POU2F1: variants seen among roughly 807,000 people sequenced by gnomAD.
The protein encoded by POU2F1 is POU domain, class 2, transcription factor 1.
POU2F1 carries 16 observed loss-of-function variants against 84.9 expected under a neutral mutation model. That is an observed-to-expected ratio of 0.19 (90% CI 0.13 to 0.29). POU2F1 has a LOEUF of 0.29. Ranked by LOEUF, POU2F1 falls within the 10% of genes least tolerant of loss-of-function variation. The pLI is 1.00. For missense variants in POU2F1, 738 were observed against 942.6 expected, an observed-to-expected ratio of 0.78 and a Z score of 2.84; for synonymous variants, 368 against 368.3, an observed-to-expected ratio of 1.00 and a Z score of 0.01.
At chr1:167,222,600 G>C (rs765854380) in intron 1 of POU2F1, among the ~76,000 whole-genome samples, 1 of 152,042 alleles carries the variant, frequency 6.6e-6, no homozygotes, top group Non-Finnish European at 1.5e-5. Context: ...CATGTTCTCT[G>C]CTGCTTGATT....
At position 167,262,190 on chromosome 1, in the gene POU2F1, A is replaced by G. The variant is rs114582686; in HGVS notation, c.61+41232A>G. The stretch of plus-strand genomic sequence containing the variant: ...GCTTTTTTTGAGATGGGGTCTCACT[A>G]TATTGTCCAGGCTGAGGTGCCATGG... On this transcript the variant is annotated intron_variant, in intron 1 of 15. Transcript: ENST00000367866. Among the ~76,000 whole-genome samples the G allele has an allele frequency of 3.8e-3, 580 of 152,134 alleles. 3 individuals carry two copies. The highest frequency in any genetic ancestry group is 0.013 in the African/African-American group (557 of 41,498).
intron 7 of POU2F1, chr1:167,376,538 T>C (rs1660344475): frequency 6.4e-6 from 1 of 156,260 alleles, no homozygotes; most frequent in African/African-American, 2.4e-5. Flanking sequence ...CTAACCATTG[T>C]TTTTTTAATT....
intron 1 of POU2F1, among the ~76,000 whole-genome samples, chr1:167,240,186 T>C (rs148271105): frequency 1.1e-4 from 16 of 152,304 alleles, no homozygotes; most frequent in African/African-American, 3.4e-4. Flanking sequence ...TCTTAGACAT[T>C]AGTAGTACAT....
rs1447910325 is a variant in POU2F1, at chr1:167,392,725, C to T, written c.987+2964C>T. Among the ~76,000 whole-genome samples, 10 of 152,168 alleles carry T rather than the reference C, an allele frequency of 6.6e-5. No individual in the cohort carries two copies. In the East Asian group the frequency reaches 9.7e-4, roughly 15 times the overall value. On this transcript the variant is annotated intron_variant, in intron 9 of 15. Coordinates refer to ENST00000367866, the MANE Select transcript of POU2F1 (RefSeq NM_002697.4). ...TTTGGCATGACCATTCCTTATTTTT[C>T]GAAATGACTTTGAGACAGCAGTGGC... is the stretch of plus-strand genomic sequence containing the variant.
At chr1:167,412,619 C>T (rs996406963) in intron 14 of POU2F1, among the ~76,000 whole-genome samples, 44 of 152,280 alleles carry the variant, frequency 2.9e-4, no homozygotes, top group African/African-American at 1.0e-3. Flanking sequence ...CCCCATTAAA[C>T]TCTCTCAACT....
intron 2 of POU2F1, among the ~76,000 whole-genome samples, chr1:167,346,789 C>T (rs893686284): frequency 2.6e-5 from 4 of 152,100 alleles, no homozygotes; most frequent in Admixed American, 2.6e-4. Context: ...GTTGGGGACC[C>T]CTGCTATAGA....
chr1:167,373,041 T>C (rs1660109893), intron 5 of POU2F1, among the ~76,000 whole-genome samples: 1 of 152,042 alleles, frequency 6.6e-6, no homozygotes. Context: ...TAGAGATGTA[T>C]GTATATATAT....
rs1650418596 is a variant in POU2F1 at position 167,417,984 on chromosome 1, T to A, written c.*2174T>A. 6.6e-6 allele frequency: 1 copy of A among 152,198 alleles called. No homozygotes were observed. Among genetic ancestry groups the A allele is most frequent in the Admixed American group, 6.5e-5 (1 of 15,278 alleles). The allele number at this position is 152,198 out of a possible 1,614,324, so 9.4% of individuals were successfully genotyped here. ...TACCCTTCACCTTCCCTAAAATCCT[T>A]CCAAAATCAGTGAACTGCAAGCAGG... is the stretch of plus-strand genomic sequence containing the variant. On this transcript the variant is annotated 3_prime_UTR_variant, in exon 16 of 16. Coordinates refer to ENST00000367866, the MANE Select transcript of POU2F1 (RefSeq NM_002697.4).
At chr1:167,241,062 A>G (rs1649864999) in intron 1 of POU2F1, among the ~76,000 whole-genome samples, 1 of 152,132 alleles carries the variant, frequency 6.6e-6, no homozygotes, top group Non-Finnish European at 1.5e-5. Context: ...GAATCACTTG[A>G]ACCCGGGAGG....
intron 1 of POU2F1, among the ~76,000 whole-genome samples, chr1:167,243,918 A>G (rs1650109028): frequency 6.6e-6 from 1 of 152,196 alleles, no homozygotes; most frequent in African/African-American, 2.4e-5. Flanking sequence ...ACATAGAGCC[A>G]TTTGTTTTTT....
chr1:167,322,188 A>G (rs1160945060), intron 1 of POU2F1, among the ~76,000 whole-genome samples: 2 of 152,112 alleles, frequency 1.3e-5, no homozygotes, highest in Non-Finnish European at 1.5e-5. Context: ...TTCACCCAAT[A>G]AGTTGCTTTG....
At chr1:167,276,771 A>G (rs1454730715) in intron 1 of POU2F1, among the ~76,000 whole-genome samples, 1 of 152,202 alleles carries the variant, frequency 6.6e-6, no homozygotes, top group Non-Finnish European at 1.5e-5. Flanking sequence ...TTTCAGTTCC[A>G]TATTGTCATC....
At position 167,384,130 on chromosome 1, in the gene POU2F1, C is replaced by T. The variant is rs554717883; in HGVS notation, c.813+179C>T. ...CCAAATCAATATAGTCTTTGAAAAT[C>T]TTCAGAGTTCCTGTTTCTTATATGT... On this transcript the variant is annotated intron_variant, in intron 8 of 15. Coordinates refer to ENST00000367866, the MANE Select transcript of POU2F1 (RefSeq NM_002697.4). Among the ~76,000 whole-genome samples the T allele has an allele frequency of 4.6e-5, 7 of 152,288 alleles. No individual in the cohort carries two copies. In the East Asian group the frequency reaches 1.2e-3, roughly 25 times the overall value.
At chr1:167,270,377 GT>G (rs1278446954) in intron 1 of POU2F1, among the ~76,000 whole-genome samples, 1 of 151,868 alleles carries the variant, frequency 6.6e-6, no homozygotes, top group East Asian at 1.9e-4. Context: ...TCCTTGTTTT[GT>G]TTTTTTGGGT....
intron 9 of POU2F1, 38 bp downstream of exon 9, chr1:167,389,799 G>T: frequency 3.1e-6 from 5 of 1,590,138 alleles, no homozygotes; most frequent in Non-Finnish European, 4.3e-6. Flanking sequence ...CCCCTCCTTG[G>T]CTGGGTCCAA....
intron 1 of POU2F1, among the ~76,000 whole-genome samples, chr1:167,295,340 A>C (rs1654221382): frequency 6.6e-6 from 1 of 152,152 alleles, no homozygotes; most frequent in South Asian, 2.1e-4. Context: ...GTGGAATACT[A>C]CTCAGCCATA....
chr1:167,247,116 C>G (rs1480248672), intron 1 of POU2F1, among the ~76,000 whole-genome samples: 2 of 151,734 alleles, frequency 1.3e-5, no homozygotes, highest in African/African-American at 2.4e-5. Flanking sequence ...CACTCTGTCG[C>G]CCAGGATGAA....
intron 1 of POU2F1, among the ~76,000 whole-genome samples, chr1:167,291,012 C>T (rs1400666141): frequency 6.7e-6 from 1 of 148,602 alleles, no homozygotes; most frequent in Non-Finnish European, 1.5e-5. Context: ...CACCACTGCA[C>T]CCGGCCTGGG....
chr1:167,339,037 G>A (rs1171962188), intron 2 of POU2F1, among the ~76,000 whole-genome samples: 4 of 152,138 alleles, frequency 2.6e-5, no homozygotes, highest in African/African-American at 7.2e-5. Flanking sequence ...TCTTCTGGAG[G>A]TACTATGGAA....
Sources: gnomAD v4.1 joint callset for allele counts (sites outside exome capture counted in the v4.1 genomes callset) on GRCh38, gnomAD v4.1.1 for gene constraint, MANE v1.5 for transcripts, NCBI Gene and HGNC (gene_info 2026-07-23, HGNC 2026-07-21) for gene names.